XPNPEP1: variants seen among roughly 807,000 people sequenced by gnomAD.
The protein encoded by XPNPEP1 is X-prolyl aminopeptidase 1, also known as xaa-Pro aminopeptidase 1.
A neutral mutation model predicts 92.4 loss-of-function variants in XPNPEP1; 39 were observed. The observed-to-expected ratio is 0.42, with a 90% confidence interval of 0.33 to 0.55. XPNPEP1 has a LOEUF of 0.55. Ranked by LOEUF, XPNPEP1 falls within the 20% of genes least tolerant of loss-of-function variation. The pLI, the probability that XPNPEP1 is intolerant of heterozygous loss-of-function variation, is 0.08. For synonymous variants in XPNPEP1, 307 were observed against 299.4 expected, an observed-to-expected ratio of 1.03 and a Z score of -0.26; for missense variants, 654 against 856.1, an observed-to-expected ratio of 0.76 and a Z score of 2.95.
At chr10:109,888,025 C>A in intron 7 of XPNPEP1, 24 bp downstream of exon 7, 1 of 1,611,598 alleles carries the variant, frequency 6.2e-7, no homozygotes. Flanking sequence ...AGGGGCCCTG[C>A]TGGGCAGAAC....
intron 15 of XPNPEP1, 88 bp from the exon 16 acceptor site, chr10:109,873,515 C>T (rs958258841): frequency 5.3e-6 from 8 of 1,509,636 alleles, no homozygotes; most frequent in African/African-American, 1.4e-5. Context: ...AAGTGAGAAG[C>T]CCCATACAAT....
chr10:109,915,174 T>A, intron 1 of XPNPEP1, 75 bp from the exon 2 acceptor site: 1 of 829,436 alleles, frequency 1.2e-6, no homozygotes, highest in South Asian at 2.4e-5. Flanking sequence ...AGAGGAGGCA[T>A]CGCTTAACTT....
rs560929157 is a variant in XPNPEP1 at position 109,905,450 on chromosome 10, C to T, written c.246+2241G>A. Among the ~76,000 whole-genome samples, 152 of 152,132 alleles carry T rather than the reference C, an allele frequency of 1.0e-3. 1 individual carries two copies. The highest frequency in any genetic ancestry group is 1.1e-3 in the Non-Finnish European group (72 of 68,002). ...GTCTCCAACTCCTGACCTCATGATC[C>T]GCCTGCCTCGGCCTCCCAAAGTGCT... On this transcript the variant is annotated intron_variant, in intron 3 of 20. Transcript: ENST00000502935.
intron 3 of XPNPEP1, among the ~76,000 whole-genome samples, chr10:109,898,286 A>G (rs903560126): frequency 6.6e-6 from 1 of 152,246 alleles, no homozygotes; most frequent in Non-Finnish European, 1.5e-5. Context: ...CGCATGCCGA[A>G]CATCTGATGA....
chr10:109,890,591 TGTGAGA>T (rs1159073538), intron 5 of XPNPEP1, among the ~76,000 whole-genome samples: 231 of 91,330 alleles, frequency 2.5e-3, no homozygotes, highest in East Asian at 8.8e-3. Context: ...TGTGTGTGTG[TGTGAGA>T]GAGAGAGAGA....
Position 109,880,251 on chromosome 10 carries a change from T to C in XPNPEP1, c.1132-13A>G. On this transcript the variant is annotated splice_polypyrimidine_tract_variant and intron_variant, in intron 11 of 20. Coordinates refer to ENST00000502935, the MANE Select transcript of XPNPEP1 (RefSeq NM_020383.4). Reference sequence around the variant, plus strand: ...CAGCATCTTTAATCTGTGCAAACAATGGAGACATTTTTTAAGTTATCACTG... The same window carrying C: ...CAGCATCTTTAATCTGTGCAAACAACGGAGACATTTTTTAAGTTATCACTG... 5 of 1,613,498 alleles carry C rather than the reference T, an allele frequency of 3.1e-6. No individual in the cohort carries two copies. The highest frequency in any genetic ancestry group is 1.1e-5 in the South Asian group (1 of 91,074).
At chr10:109,880,501 GTTAAC>G (rs1848031492) in intron 11 of XPNPEP1, among the ~76,000 whole-genome samples, 1 of 152,074 alleles carries the variant, frequency 6.6e-6, no homozygotes, top group Admixed American at 6.5e-5. Flanking sequence ...CCTCCAAAAG[GTTAAC>G]TTAAAGGTTA....
intron 3 of XPNPEP1, among the ~76,000 whole-genome samples, chr10:109,902,078 G>T (rs1281340167): frequency 6.6e-6 from 1 of 152,166 alleles, no homozygotes; most frequent in Non-Finnish European, 1.5e-5. Context: ...TGCTAATGAG[G>T]TCCTTTCCCA....
intron 20 of XPNPEP1, among the ~76,000 whole-genome samples, chr10:109,866,092 CA>C (rs1847127549): frequency 6.6e-6 from 1 of 152,208 alleles, no homozygotes; most frequent in African/African-American, 2.4e-5. Flanking sequence ...CCACTCTCAT[CA>C]CTGTCTATGG....
chr10:109,871,074 A>T lies in XPNPEP1; in HGVS notation c.1523-170T>A, dbSNP rs1439757675. ...TTCTAACAATCAGAGCTCCTGAGAAACCATCAGAGCTCAGTCTGAAGCTAG... is the reference window on the plus strand; with the variant it reads ...TTCTAACAATCAGAGCTCCTGAGAATCCATCAGAGCTCAGTCTGAAGCTAG... On this transcript the variant is annotated intron_variant, in intron 17 of 20. Coordinates refer to ENST00000502935, the MANE Select transcript of XPNPEP1 (RefSeq NM_020383.4). 6 of 715,628 alleles carry T rather than the reference A, an allele frequency of 8.4e-6. No homozygotes were observed. In the East Asian group the frequency reaches 1.5e-4, roughly 17 times the overall value. The allele number at this position is 715,628 out of a possible 1,614,324, so 44.3% of individuals were successfully genotyped here. A position where few individuals can be genotyped will look rare whatever the true frequency, so the allele number is the denominator to read the frequency against.
intron 2 of XPNPEP1, among the ~76,000 whole-genome samples, chr10:109,911,828 T>C (rs1416768579): frequency 6.6e-6 from 1 of 152,218 alleles, no homozygotes; most frequent in African/African-American, 2.4e-5. Context: ...CATTTATTTC[T>C]TTATAGACTC....
intron 12 of XPNPEP1, among the ~76,000 whole-genome samples, chr10:109,879,528 C>T (rs1428283033): frequency 6.6e-6 from 1 of 151,908 alleles, no homozygotes; most frequent in Non-Finnish European, 1.5e-5. Flanking sequence ...CGAGATCACA[C>T]CACTGCACTC....
intron 2 of XPNPEP1, among the ~76,000 whole-genome samples, chr10:109,910,909 G>A (rs778314682): frequency 7.9e-5 from 12 of 152,196 alleles, no homozygotes; most frequent in Non-Finnish European, 1.3e-4. Flanking sequence ...GATCTTCAAC[G>A]ACTGACATCC....
rs1366677525 is a variant in XPNPEP1, at chr10:109,880,854, C to A, written c.1119G>T (p.Met373Ile). The A allele has an allele frequency of 6.2e-7, 1 of 1,614,058 alleles. No homozygotes were observed. Among genetic ancestry groups the A allele is most frequent in the South Asian group, 1.1e-5 (1 of 91,028 alleles). ...AVKNSAESEG[M>I]RRAHIKDAVA... ...CTCCTCTACTCACGTGAGCCCGCCTCATGCCTTCTGACTCAGCTGAATTCT... is the reference window on the plus strand; with the variant it reads ...CTCCTCTACTCACGTGAGCCCGCCTAATGCCTTCTGACTCAGCTGAATTCT... The change falls in exon 11 of 21, where the codon ATG (methionine) becomes ATT (isoleucine). Residue 373 changes from methionine to isoleucine, a missense_variant. Physicochemically the swap from Met to Ile is conservative, Grantham distance 10. Transcript: ENST00000502935.
At chr10:109,919,044 T>C (rs564043002) in intron 1 of XPNPEP1, among the ~76,000 whole-genome samples, 2 of 152,316 alleles carry the variant, frequency 1.3e-5, no homozygotes, top group East Asian at 3.9e-4. Flanking sequence ...GTAAAACTCT[T>C]ATAGCGCAAC....
intron 3 of XPNPEP1, among the ~76,000 whole-genome samples, chr10:109,899,038 G>A (rs923479781): frequency 6.6e-5 from 10 of 152,142 alleles, no homozygotes; most frequent in Non-Finnish European, 1.5e-4. Context: ...AATGGCCATC[G>A]GTCCACAGGA....
rs1242485144 is a variant in XPNPEP1, at chr10:109,907,762, C to T, written c.175G>A (p.Ala59Thr). The change falls in exon 3 of 21, where the codon GCC becomes ACC. Residue 59 changes from alanine to threonine, a missense_variant. Transcript: ENST00000502935. ...GTCACATACTCAGAGTTCCTCATGG[C>T]TTGTCTCAGCTGCCGAAGCAGCTCT... ...TSELLRQLRQ[A>T]MRNSEYVTEP... 35 of 1,614,120 alleles carry T rather than the reference C, an allele frequency of 2.2e-5. No homozygotes were observed. The highest frequency in any genetic ancestry group is 2.9e-5 in the Non-Finnish European group (34 of 1,180,044).
Position 109,888,077 on chromosome 10 carries a change from A to G in XPNPEP1, c.624T>C (p.Pro208=), listed in dbSNP as rs773677465. The G allele has an allele frequency of 1.9e-6, 3 of 1,614,068 alleles. No individual in the cohort carries two copies. The South Asian group carries it at 3.3e-5, about 18-fold the overall frequency. The change falls in exon 7 of 21, where the codon CCT becomes CCC. Residue 208 remains proline, a synonymous_variant. Coordinates refer to ENST00000502935, the MANE Select transcript of XPNPEP1 (RefSeq NM_020383.4). Reference sequence around the variant, plus strand: ...TGTAATCCAGGCCCAGTGTGAGGAGAGGCTTGCAAGGGCGCTCAGGACGGT... The same window carrying G: ...TGTAATCCAGGCCCAGTGTGAGGAGGGGCTTGCAAGGGCGCTCAGGACGGT... ...WTDRPERPCK[P]LLTLGLDYTG...
At chr10:109,870,066 C>T in intron 18 of XPNPEP1, 37 bp from the exon 19 acceptor site, 1 of 1,608,162 alleles carries the variant, frequency 6.2e-7, no homozygotes, top group Non-Finnish European at 8.5e-7. Flanking sequence ...AGAAGCAGCC[C>T]ACGATGAAGA....
Sources: gnomAD v4.1 joint callset for allele counts (sites outside exome capture counted in the v4.1 genomes callset) on GRCh38, gnomAD v4.1.1 for gene constraint, MANE v1.5 for transcripts, NCBI Gene and HGNC (gene_info 2026-07-23, HGNC 2026-07-21) for gene names.